Variants in SRCAP observed in about 807,000 individuals in gnomAD.
SRCAP encodes Snf2 related CREBBP activator protein, also known as chromatin remodeling protein SRCAP.
A neutral mutation model predicts 263.1 loss-of-function variants in SRCAP; 46 were observed. The ratio of observed to expected loss-of-function variants is 0.17; its 90% CI spans 0.14 to 0.22. The LOEUF (loss-of-function observed/expected upper bound fraction) is 0.22, where lower values mean the gene tolerates loss of function less well. Ranked by LOEUF, SRCAP falls within the 10% of genes least tolerant of loss-of-function variation. The pLI is 1.00. For missense variants in SRCAP, 3,695 were observed against 4,181.9 expected (o/e 0.88, Z 3.21); for synonymous variants, 1,813 against 1,662.1 (o/e 1.09, Z -2.21).
chr16:30,701,275 C>T (rs943895083), intron 3 of SRCAP: 2 of 165,402 alleles, frequency 1.2e-5, no homozygotes, highest in African/African-American at 2.4e-5. Context: ...AAAAGCATGA[C>T]TTTTAAACAC....
Position 30,704,351 on chromosome 16 carries a change from G to C in SRCAP, c.306+36G>C, listed in dbSNP as rs753912923. ...GAAAGGCTTATGAAGATTCTTGGGA[G>C]TTATCTTCCGTAAACTCCCACGTCC... On this transcript the variant is annotated intron_variant, in intron 4 of 33. Transcript: ENST00000262518. The C allele has an allele frequency of 2.0e-5, 31 of 1,543,252 alleles. 1 individual carries two copies. In the Middle Eastern group the frequency reaches 1.0e-3, roughly 52 times the overall value.
In SRCAP at chr16:30,709,926, G is replaced by T; in HGVS notation, c.932G>T (p.Gly311Val). 1 of 1,614,200 alleles carries T rather than the reference G, an allele frequency of 6.2e-7. No individual in the cohort carries two copies. The highest frequency in any genetic ancestry group is 2.2e-5 in the East Asian group (1 of 44,892). ...ETIEVEEQQE[G>V]NDAEAQRREI... ...ATTGAAGTTGAAGAACAACAGGAAG[G>T]CAATGATGCAGAGGCCCAGAGGCGT... The change falls in exon 8 of 34, where the codon GGC becomes GTC. Residue 311 changes from glycine (G) to valine (V), a missense_variant. Transcript: ENST00000262518.
Position 30,720,976 on chromosome 16 carries a change from A to G in SRCAP, c.3251A>G (p.Gln1084Arg), listed in dbSNP as rs1225466137. The change falls in exon 20 of 34, where the codon CAG becomes CGG. Residue 1084 changes from glutamine (Q) to arginine (R), a missense_variant and splice_region_variant. Around this residue, in one of 12 missense-constraint regions of SRCAP, gnomAD observed 1,347 missense variants for 1,304.4 expected, o/e 1.03. Coordinates refer to ENST00000262518, the MANE Select transcript of SRCAP (RefSeq NM_006662.3). ...PLQPNSGSLP[Q>R]VLPSPLGVLS... Reference sequence around the variant, plus strand: ...CAGCCCAACAGTGGTTCTCTCCCCCAGGGTGAGTTGAAAGGGAGCCAAGGA... The same window carrying G: ...CAGCCCAACAGTGGTTCTCTCCCCCGGGGTGAGTTGAAAGGGAGCCAAGGA... 1.3e-6 allele frequency: 2 copies of G among 1,599,318 alleles called. No homozygotes were observed. The highest frequency in any genetic ancestry group is 1.1e-5 in the South Asian group (1 of 88,950).
intron 19 of SRCAP, 150 bp from the exon 20 acceptor site, chr16:30,720,563 T>G (rs2053001498): frequency 9.0e-7 from 1 of 1,105,966 alleles, no homozygotes; most frequent in Non-Finnish European, 1.3e-6. Context: ...TCTGATTGTC[T>G]TAAATTCCTA....
intron 3 of SRCAP, among the ~76,000 whole-genome samples, chr16:30,701,891 C>G (rs1326275050): frequency 6.6e-6 from 1 of 151,584 alleles, no homozygotes; most frequent in Non-Finnish European, 1.5e-5. Context: ...CTTGGCCTCC[C>G]AAAGTATTAG....
chr16:30,724,819 G>A lies in SRCAP; in HGVS notation c.5395G>A (p.Gly1799Ser). The A allele has an allele frequency of 6.2e-7, 1 of 1,613,830 alleles. No individual in the cohort carries two copies. Among genetic ancestry groups the A allele is most frequent in the Non-Finnish European group, 8.5e-7 (1 of 1,179,800 alleles). Residue 1799 changes from glycine to serine, a missense_variant, in exon 25 of 34, where the codon GGC becomes AGC. Coordinates refer to ENST00000262518, the MANE Select transcript of SRCAP (RefSeq NM_006662.3). ...TLSPAPVPTL[G>S]PAAAQTLALA... is the part of the protein sequence containing the mutation. ...GAGCCCTGCCCCAGTTCCTACCCTG[G>A]GCCCGGCCGCAGCTCAGACCTTGGC...
chr16:30,720,929 C>G lies in SRCAP; in HGVS notation c.3204C>G (p.Gly1068=). The change falls in exon 20 of 34, where the codon GGC becomes GGG. Residue 1068 remains glycine (G), a synonymous_variant. Transcript: ENST00000262518. ...PPLIPASRPP[G]PVLLPPLQPN... ...TTATTCCTGCATCTCGGCCTCCTGG[C>G]CCTGTCCTCTTGCCTCCACTGCAGC... 1.2e-6 allele frequency: 2 copies of G among 1,613,668 alleles called. No homozygotes were observed. Among genetic ancestry groups the G allele is most frequent in the Non-Finnish European group, 1.7e-6 (2 of 1,179,750 alleles).
At chr16:30,707,818 G>A in intron 6 of SRCAP, 106 bp downstream of exon 6, 1 of 1,418,258 alleles carries the variant, frequency 7.1e-7, no homozygotes, top group Non-Finnish European at 9.7e-7. Context: ...ATAATTTCAG[G>A]CAACTCTAAT....
chr16:30,721,311 A>G lies in SRCAP; in HGVS notation c.3376A>G (p.Ser1126Gly), dbSNP rs1400920325. The change falls in exon 21 of 34, where the codon AGC becomes GGC. Residue 1126 changes from serine (S) to glycine (G), a missense_variant. Ser to Gly is a moderately conservative substitution (Grantham distance 56). This residue lies in a region of SRCAP where 1,347 missense variants were observed against 1,304.4 expected (regional missense o/e 1.03). Transcript: ENST00000262518. ...CCCAGCCCCACCTCCAGGCTCCTCTAGCCTGTTGAAGCCCCTGACAGTGCC... is the reference window on the plus strand; with the variant it reads ...CCCAGCCCCACCTCCAGGCTCCTCTGGCCTGTTGAAGCCCCTGACAGTGCC... ...LSPAPPPGSSSLLKPLTVPPG... is the reference protein window; with the variant it reads ...LSPAPPPGSSGLLKPLTVPPG... 1 of 1,614,156 alleles carries G rather than the reference A, an allele frequency of 6.2e-7. No homozygotes were observed. The highest frequency in any genetic ancestry group is 8.5e-7 in the Non-Finnish European group (1 of 1,180,032).
intron 17 of SRCAP, 27 bp downstream of exon 17, chr16:30,716,229 G>A: frequency 6.2e-7 from 1 of 1,613,750 alleles, no homozygotes; most frequent in Non-Finnish European, 8.5e-7. Context: ...GGTGGGCCCT[G>A]GGACTCGAGA....
chr16:30,737,324 C>G lies in SRCAP; in HGVS notation c.7284C>G (p.Arg2428=). 1 of 1,614,172 alleles carries G rather than the reference C, an allele frequency of 6.2e-7. No individual in the cohort carries two copies. The highest frequency in any genetic ancestry group is 8.5e-7 in the Non-Finnish European group (1 of 1,180,030). Residue 2428 remains arginine (R), a synonymous_variant, in exon 34 of 34, where the codon CGC becomes CGG. Coordinates refer to ENST00000262518, the MANE Select transcript of SRCAP (RefSeq NM_006662.3). ...CTCGCAGCACCACCACACCACCCCG[C>G]TGCAGTCCTGCCAGGGAGCGAGTTC... ...HQTRSTTTPP[R]CSPARERVPR...
chr16:30,728,889 C>A, intron 25 of SRCAP, 77 bp from the exon 26 acceptor site: 2 of 1,476,396 alleles, frequency 1.4e-6, no homozygotes, highest in Non-Finnish European at 9.0e-7. Context: ...ATATTTATTT[C>A]CATCTGGGAA....
At chr16:30,712,463 T>C (rs1465921447) in intron 13 of SRCAP, 24 bp downstream of exon 13, 4 of 1,548,534 alleles carry the variant, frequency 2.6e-6, no homozygotes, top group Middle Eastern at 2.1e-4. Flanking sequence ...GCCCCTTCTT[T>C]TGTTCCCCCT....
rs1165734380 is a variant in SRCAP, at chr16:30,737,750, C to T, written c.7710C>T (p.Ala2570=). 1.2e-6 allele frequency: 2 copies of T among 1,614,062 alleles called. No homozygotes were observed. Among genetic ancestry groups the T allele is most frequent in the Non-Finnish European group, 1.7e-6 (2 of 1,180,050 alleles). The change falls in exon 34 of 34, where the codon GCC becomes GCT. Residue 2570 remains alanine (A), a synonymous_variant. Coordinates refer to ENST00000262518, the MANE Select transcript of SRCAP (RefSeq NM_006662.3). ...AGTCCCTGGAGCTGGCTTCTGTGGC[C>T]AGTTCAGAAACCTCCTCACTTTCTC... ...SPESLELASV[A]SSETSSLSLV...
chr16:30,703,329 G>A (rs1460606242), intron 3 of SRCAP, among the ~76,000 whole-genome samples: 15 of 151,184 alleles, frequency 9.9e-5, no homozygotes, highest in Admixed American at 9.9e-4. Context: ...GAGTAGCTGG[G>A]ATTACAGGCT....
rs1235438787 is a variant in SRCAP, at chr16:30,737,422, C to T, written c.7382C>T (p.Pro2461Leu). The T allele has an allele frequency of 1.2e-6, 2 of 1,603,138 alleles. No individual in the cohort carries two copies. The highest frequency in any genetic ancestry group is 3.4e-5 in the Admixed American group (2 of 58,062). ...GCAATTCCTGCCCTTGTTCCTGTCC[C>T]AGTTTCTGCCCCAGTACCCATTTCA... ...PAAIPALVPVPVSAPVPISAP... is the reference protein window; with the variant it reads ...PAAIPALVPVLVSAPVPISAP... Residue 2461 changes from proline to leucine, a missense_variant, in exon 34 of 34, where the codon CCA becomes CTA. Around this residue, in one of 12 missense-constraint regions of SRCAP, gnomAD observed 1,207 missense variants for 1,142.9 expected, o/e 1.06. Transcript: ENST00000262518.
At position 30,724,149 on chromosome 16, in the gene SRCAP, A is replaced by G; in HGVS notation, c.4725A>G (p.Pro1575=). The G allele has an allele frequency of 1.2e-6, 2 of 1,614,034 alleles. No individual in the cohort carries two copies. Among genetic ancestry groups the G allele is most frequent in the Non-Finnish European group, 1.7e-6 (2 of 1,180,006 alleles). The stretch of plus-strand genomic sequence containing the variant: ...CAGCTCAGGCTTCCCTTCTGGCTCC[A>G]GCATCTTCTGCATCTCAGGCTCTAG... ...PAPAQASLLA[P]ASSASQALAT... Residue 1575 remains proline (P), a synonymous_variant, in exon 25 of 34, where the codon CCA becomes CCG. Transcript: ENST00000262518.
At chr16:30,710,321 G>A (rs547638726) in intron 8 of SRCAP, among the ~76,000 whole-genome samples, 193 bp downstream of exon 8, 2 of 152,314 alleles carry the variant, frequency 1.3e-5, no homozygotes, top group South Asian at 2.1e-4. Context: ...AGGTTTTGGC[G>A]CTATAGTGGA....
At position 30,720,804 on chromosome 16, in the gene SRCAP, C is replaced by G. The variant is rs1431815472; in HGVS notation, c.3079C>G (p.Pro1027Ala). 4 of 1,614,022 alleles carry G rather than the reference C, an allele frequency of 2.5e-6. No individual in the cohort carries two copies. The East Asian group carries it at 6.7e-5, about 27-fold the overall frequency. Residue 1027 changes from proline (P) to alanine (A), a missense_variant, in exon 20 of 34, where the codon CCT (proline) becomes GCT (alanine). Pro to Ala is a conservative substitution (Grantham distance 27). Around this residue, in one of 12 missense-constraint regions of SRCAP, gnomAD observed 1,347 missense variants for 1,304.4 expected, o/e 1.03. Transcript: ENST00000262518. ...APLGPVPVRP[P>A]PGPELSAQPT... ...CCTGGGCCCTGTCCCAGTTCGACCTCCTCCAGGTCCTGAGCTCTCAGCCCA... is the reference window on the plus strand; with the variant it reads ...CCTGGGCCCTGTCCCAGTTCGACCTGCTCCAGGTCCTGAGCTCTCAGCCCA...
Sources: allele counts gnomAD v4.1 joint callset (sites outside exome capture counted in the v4.1 genomes callset), GRCh38; gene constraint gnomAD v4.1.1; regional missense constraint gnomAD v4.1.1; transcripts MANE v1.5; gene names NCBI Gene and HGNC (gene_info 2026-07-23, HGNC 2026-07-21).